SUSD4: variants seen among roughly 807,000 people sequenced by gnomAD.
The protein encoded by SUSD4 is sushi domain-containing protein 4.
A neutral mutation model predicts 50.5 loss-of-function variants in SUSD4; 41 were observed. The ratio of observed to expected loss-of-function variants is 0.81; its 90% CI spans 0.63 to 1.05. SUSD4 has a LOEUF of 1.05. Ranked by LOEUF, SUSD4 falls within the 50% of genes least tolerant of loss-of-function variation. The pLI is 0.00. For missense variants in SUSD4, 580 were observed against 634.7 expected, an observed-to-expected ratio of 0.91 and a Z score of 0.93; for synonymous variants, 257 against 257.3, an observed-to-expected ratio of 1.00 and a Z score of 0.01.
chr1:223,288,856 C>T (rs1478377106), intron 3 of SUSD4, among the ~76,000 whole-genome samples: 2 of 152,200 alleles, frequency 1.3e-5, no homozygotes, highest in Non-Finnish European at 2.9e-5. Flanking sequence ...CATCACCACA[C>T]AAAGTCTGAC....
Position 223,292,587 on chromosome 1 carries a change from GC to G in SUSD4, c.212del (p.Ser71ThrfsTer10). ...CAGAGCCTTCAAAGAAAACCCCTCC[GC>G]TGGGGGTCCTGAAGCCATTCTCGGG... ...GIPENGFRTP[S>X]GGVFFEGSVA... On this transcript the variant is annotated frameshift_variant, in exon 3 of 9. Coordinates refer to ENST00000366878, the MANE Select transcript of SUSD4 (RefSeq NM_017982.4). LOFTEE classifies it high-confidence loss of function. The G allele has an allele frequency of 6.2e-7, 1 of 1,614,026 alleles. No homozygotes were observed. The highest frequency in any genetic ancestry group is 8.5e-7 in the Non-Finnish European group (1 of 1,179,988).
chr1:223,257,879 G>C (rs1317689193), intron 5 of SUSD4, among the ~76,000 whole-genome samples: 1 of 152,200 alleles, frequency 6.6e-6, no homozygotes. Flanking sequence ...AAGTGACCGA[G>C]GTGACACTGG....
At chr1:223,333,316 G>A (rs915600424) in intron 2 of SUSD4, among the ~76,000 whole-genome samples, 1 of 152,056 alleles carries the variant, frequency 6.6e-6, no homozygotes, top group Non-Finnish European at 1.5e-5. Flanking sequence ...TTCCACACCT[G>A]TAAACTGGGG....
Position 223,227,291 on chromosome 1 carries a change from T to C in SUSD4, c.1061+303A>G, listed in dbSNP as rs746703632. Among the ~76,000 whole-genome samples the C allele has an allele frequency of 5.9e-5, 9 of 152,174 alleles. No homozygotes were observed. Among genetic ancestry groups the C allele is most frequent in the Non-Finnish European group, 1.0e-4 (7 of 68,028 alleles). On this transcript the variant is annotated intron_variant, in intron 7 of 8. Coordinates refer to ENST00000366878, the MANE Select transcript of SUSD4 (RefSeq NM_017982.4). The surrounding 1 kb of genome is among the most constrained non-coding windows in gnomAD (Gnocchi z 4.5). Reference sequence around the variant, plus strand: ...TGCAGGGGGACCACAGTGGGAATGGTGCCTCTGGGTGGAGCAGTCCACAGC... The same window carrying C: ...TGCAGGGGGACCACAGTGGGAATGGCGCCTCTGGGTGGAGCAGTCCACAGC...
chr1:223,347,309 A>C (rs887210734), intron 2 of SUSD4, among the ~76,000 whole-genome samples: 1 of 152,138 alleles, frequency 6.6e-6, no homozygotes. Context: ...ATTCTTTCCA[A>C]TAGTACATTT....
chr1:223,365,227 G>A (rs377647728), upstream of SUSD4, among the ~76,000 whole-genome samples: 3 of 143,670 alleles, frequency 2.1e-5, no homozygotes, highest in Admixed American at 6.9e-5. Flanking sequence ...TCTGGTGTCG[G>A]AGCTCAGCCC....
chr1:223,302,700 G>A (rs896666592), intron 2 of SUSD4, among the ~76,000 whole-genome samples: 12 of 152,144 alleles, frequency 7.9e-5, no homozygotes, highest in Non-Finnish European at 1.3e-4. Context: ...GGACCCCAGG[G>A]CTGCCTGGGA....
chr1:223,314,101 T>C (rs1666037446), intron 2 of SUSD4, among the ~76,000 whole-genome samples: 1 of 152,184 alleles, frequency 6.6e-6, no homozygotes, highest in Non-Finnish European at 1.5e-5. Context: ...CTTTACTCTA[T>C]GGATTTGCCT....
Position 223,229,103 on chromosome 1 carries a change from G to T in SUSD4, c.916+94C>A. ...CCTGTTCCTGACACTGGGTGGGGGA[G>T]GAGAGATACAGCTTGGTACATAACC... is the stretch of plus-strand genomic sequence containing the variant. On this transcript the variant is annotated intron_variant, in intron 6 of 8. Transcript: ENST00000366878. The surrounding 1 kb of genome is among the most constrained non-coding windows in gnomAD (Gnocchi z 4.7). The T allele has an allele frequency of 7.9e-7, 1 of 1,267,474 alleles. No homozygotes were observed. The highest frequency in any genetic ancestry group is 1.1e-6 in the Non-Finnish European group (1 of 910,930). 78.5% of individuals were successfully genotyped at this position (1,267,474 alleles called of 1,614,324 possible).
intron 3 of SUSD4, among the ~76,000 whole-genome samples, chr1:223,283,754 T>A (rs1435581188): frequency 8.5e-5 from 13 of 152,174 alleles, no homozygotes. Context: ...GGATTATAAA[T>A]CATGCTGCTA....
intron 4 of SUSD4, among the ~76,000 whole-genome samples, chr1:223,266,823 C>A (rs965196076): frequency 6.6e-6 from 1 of 152,182 alleles, no homozygotes; most frequent in African/African-American, 2.4e-5. Flanking sequence ...TCAGACTGTC[C>A]AAGGCAACTT....
chr1:223,317,834 C>CTTTTTTTTTTTTTTTCCTT (rs1666297096), intron 2 of SUSD4, among the ~76,000 whole-genome samples: 14 of 80,142 alleles, frequency 1.7e-4, no homozygotes, highest in East Asian at 3.7e-4. Context: ...GCTTGCCCTT[C>CTTTTTTTTTTTTTTTCCTT]TTTTTTTTTT....
intron 5 of SUSD4, among the ~76,000 whole-genome samples, chr1:223,263,194 G>C (rs1283155021): frequency 6.6e-6 from 1 of 152,162 alleles, no homozygotes; most frequent in Non-Finnish European, 1.5e-5. Context: ...TCCAGAACTA[G>C]GGAAGAGCCC....
At chr1:223,291,488 C>CAA (rs71572850) in intron 3 of SUSD4, among the ~76,000 whole-genome samples, 9,813 of 48,684 alleles carry the variant, frequency 0.2, 1,689 homozygotes, top group East Asian at 0.34. Flanking sequence ...GACACTGTCT[C>CAA]AAAAAAAAAA....
intron 2 of SUSD4, among the ~76,000 whole-genome samples, chr1:223,299,359 C>T (rs958855611): frequency 6.6e-5 from 10 of 152,208 alleles, no homozygotes; most frequent in African/African-American, 2.2e-4. Context: ...ATATTCTGCT[C>T]ACGCATGAGA....
intron 2 of SUSD4, among the ~76,000 whole-genome samples, chr1:223,336,850 T>C (rs1667485077): frequency 6.6e-6 from 1 of 151,834 alleles, no homozygotes; most frequent in African/African-American, 2.4e-5. Flanking sequence ...GTTCAAAGAG[T>C]ATCTGGTGAA....
intron 2 of SUSD4, among the ~76,000 whole-genome samples, chr1:223,362,360 T>C (rs533812203): frequency 4.9e-4 from 74 of 152,332 alleles, no homozygotes; most frequent in Admixed American, 1.8e-3. Flanking sequence ...AGATAATTTA[T>C]TTATATATTA....
intron 2 of SUSD4, among the ~76,000 whole-genome samples, chr1:223,322,189 CTG>C (rs1370679829): frequency 6.6e-6 from 1 of 152,172 alleles, no homozygotes; most frequent in Non-Finnish European, 1.5e-5. Flanking sequence ...ACGAAAATAT[CTG>C]TGACTCCTAC....
chr1:223,284,510 G>A (rs1430199797), intron 3 of SUSD4, among the ~76,000 whole-genome samples: 1 of 152,198 alleles, frequency 6.6e-6, no homozygotes, highest in Non-Finnish European at 1.5e-5. Context: ...AACCTACTTT[G>A]TAGGGTTGCT....
Sources: gnomAD v4.1 joint callset for allele counts (sites outside exome capture counted in the v4.1 genomes callset) on GRCh38, gnomAD v4.1.1 for gene constraint, Gnocchi (gnomAD v3.1) non-coding constraint, MANE v1.5 for transcripts, NCBI Gene and HGNC (gene_info 2026-07-23, HGNC 2026-07-21) for gene names.